EVL: variants seen among roughly 807,000 people sequenced by gnomAD.
EVL encodes the protein ena/VASP-like protein.
In EVL, 21 loss-of-function variants were observed where a neutral mutation model predicts 59.6. That is an observed-to-expected ratio of 0.35 (90% confidence interval 0.25 to 0.51). The LOEUF is 0.51. Ranked by LOEUF, EVL falls within the 20% of genes least tolerant of loss-of-function variation. The probability of loss-of-function intolerance (pLI) is 0.97; values close to 1 mark genes in which losing one functional copy is unlikely to be tolerated. For missense variants in EVL, 462 were observed against 546.6 expected, an observed-to-expected ratio of 0.85 and a Z score of 1.54; for synonymous variants, 198 against 203.5, an observed-to-expected ratio of 0.97 and a Z score of 0.23.
chr14:100,109,125 C>A lies in EVL; in HGVS notation c.358+11467C>A, dbSNP rs530001710. ...CCCTGGTCCCTCTGACTCACTGGCT[C>A]CCATTTTCACCACCTGCACTGCATA... is the stretch of plus-strand genomic sequence containing the variant. On this transcript the variant is annotated intron_variant, in intron 3 of 13. Coordinates refer to ENST00000392920, the MANE Select transcript of EVL (RefSeq NM_016337.3). This position sits in a 1 kb window ranked among gnomAD's most constrained non-coding sequence, Gnocchi z 4.3. Among the ~76,000 whole-genome samples, 1 of 152,352 alleles carries A rather than the reference C, an allele frequency of 6.6e-6. No homozygotes were observed. Among genetic ancestry groups the A allele is most frequent in the South Asian group, 2.1e-4 (1 of 4,828 alleles).
In EVL at chr14:100,028,457, C is replaced by T. The variant is rs988834898; in HGVS notation, c.6-56230C>T. On this transcript the variant is annotated intron_variant, in intron 1 of 13. Coordinates refer to the EVL transcript ENST00000402714. ...TTCTTTGTATTGAGTTGTTTGAGTC[C>T]TTTATGCACTGGGAAGCAGATAATT... Among the ~76,000 whole-genome samples, 7 of 152,178 alleles carry T rather than the reference C, an allele frequency of 4.6e-5. No individual in the cohort carries two copies. In the East Asian group the frequency reaches 5.8e-4, roughly 13 times the overall value.
At chr14:100,118,057 G>A (rs1020935966) in intron 3 of EVL, among the ~76,000 whole-genome samples, 2 of 152,130 alleles carry the variant, frequency 1.3e-5, no homozygotes, top group Admixed American at 1.3e-4. Flanking sequence ...GTTAAAGTCA[G>A]GCTGTTCTGT....
At chr14:100,013,463 CTT>C (rs1380001227) in intron 1 of EVL, among the ~76,000 whole-genome samples, 1 of 152,300 alleles carries the variant, frequency 6.6e-6, no homozygotes, top group Admixed American at 6.5e-5. Flanking sequence ...GAAACTGAGA[CTT>C]AGGCTGGTGA....
At chr14:100,112,751 A>C (rs374571963) in intron 3 of EVL, among the ~76,000 whole-genome samples, 2 of 152,218 alleles carry the variant, frequency 1.3e-5, no homozygotes, top group African/African-American at 2.4e-5. Flanking sequence ...AGAACGACCC[A>C]CACACATTCC....
At chr14:100,094,324 G>A (rs1177849096) in intron 2 of EVL, among the ~76,000 whole-genome samples, 1 of 152,124 alleles carries the variant, frequency 6.6e-6, no homozygotes, top group Non-Finnish European at 1.5e-5. Context: ...TTCTGGATTA[G>A]GCGTCATCTG....
At chr14:100,072,479 C>T (rs1212837203) in intron 1 of EVL, among the ~76,000 whole-genome samples, 1 of 152,188 alleles carries the variant, frequency 6.6e-6, no homozygotes, top group Non-Finnish European at 1.5e-5. Flanking sequence ...AGGTGATCCA[C>T]CTGCTTTGGC....
intron 1 of EVL, among the ~76,000 whole-genome samples, chr14:100,014,499 A>G (rs1756910539): frequency 6.6e-6 from 1 of 152,226 alleles, no homozygotes; most frequent in Non-Finnish European, 1.5e-5. Flanking sequence ...TCCACTGTGT[A>G]TATGTACCAC....
chr14:100,137,962 TGTCA>T (rs2140403405), intron 11 of EVL, 160 bp downstream of exon 11: 2 of 678,174 alleles, frequency 2.9e-6, no homozygotes, highest in South Asian at 3.6e-5. Context: ...CTCGGGGTCC[TGTCA>T]GTCAGCTGCT....
At chr14:100,138,176 G>A (rs1239935519) in intron 11 of EVL, 1 of 326,804 alleles carries the variant, frequency 3.1e-6, no homozygotes, top group South Asian at 3.6e-5. Flanking sequence ...CAGGGTGGTG[G>A]TGGGGACAGC....
intron 1 of EVL, among the ~76,000 whole-genome samples, chr14:99,973,311 T>C (rs2060747851): frequency 6.6e-6 from 1 of 152,262 alleles, no homozygotes; most frequent in African/African-American, 2.4e-5. Flanking sequence ...CAGTCTTAAA[T>C]TTTAACCATT....
At chr14:99,978,368 C>T (rs1053159331) in intron 1 of EVL, among the ~76,000 whole-genome samples, 1 of 151,376 alleles carries the variant, frequency 6.6e-6, no homozygotes, top group Admixed American at 6.6e-5. Context: ...CGCCACTGCA[C>T]TCCAGCCTGG....
At chr14:100,135,870 C>T in intron 8 of EVL, 35 bp from the exon 9 acceptor site, 57 of 1,608,932 alleles carry the variant, frequency 3.5e-5, no homozygotes, top group Non-Finnish European at 4.8e-5. Flanking sequence ...CCCCAGGTGG[C>T]CTTCCTAAAC....
rs1160695245 is a variant in EVL, at chr14:100,137,760, G to T, written c.1052G>T (p.Ser351Ile). The change falls in exon 11 of 14, where the codon AGC becomes ATC. Residue 351 changes from serine (S) to isoleucine (I), a missense_variant. Transcript: ENST00000392920. ...ILSRTPSVAKSPEAKSPLQSQ... is the reference protein window; with the variant it reads ...ILSRTPSVAKIPEAKSPLQSQ... ...CGTAGAACCCCGTCTGTGGCAAAGA[G>T]CCCCGAAGCTAAGAGCCCCCTTCAG... 2 of 1,614,116 alleles carry T rather than the reference G, an allele frequency of 1.2e-6. No individual in the cohort carries two copies. Among genetic ancestry groups the T allele is most frequent in the Non-Finnish European group, 1.7e-6 (2 of 1,180,006 alleles).
chr14:100,062,621 T>C (rs1173257241), upstream of EVL, among the ~76,000 whole-genome samples: 1 of 152,144 alleles, frequency 6.6e-6, no homozygotes, highest in Non-Finnish European at 1.5e-5. Flanking sequence ...GTAAATAGAC[T>C]AAATACCCCA....
chr14:99,989,634 G>A (rs75077944), intron 1 of EVL, among the ~76,000 whole-genome samples: 5 of 152,112 alleles, frequency 3.3e-5, no homozygotes, highest in Admixed American at 1.3e-4. Flanking sequence ...TATAATATTC[G>A]TCCTGATTGT....
intron 1 of EVL, among the ~76,000 whole-genome samples, chr14:100,057,503 T>G (rs889832256): frequency 5.3e-5 from 8 of 152,206 alleles, no homozygotes; most frequent in Non-Finnish European, 1.2e-4. Context: ...GAGTTTGTTT[T>G]TTTTTTAATC....
At chr14:100,065,388 C>T, upstream of EVL, 1 of 1,176,336 alleles carries the variant, frequency 8.5e-7, no homozygotes, top group Non-Finnish European at 1.1e-6. Flanking sequence ...TTTAAGTAGG[C>T]TATAAAAATC....
At chr14:99,985,161 T>C (rs2060832137) in intron 1 of EVL, among the ~76,000 whole-genome samples, 1 of 151,986 alleles carries the variant, frequency 6.6e-6, no homozygotes, top group Non-Finnish European at 1.5e-5. Flanking sequence ...ACCTACTATA[T>C]GCAAGATAGT....
intron 3 of EVL, among the ~76,000 whole-genome samples, chr14:100,112,939 A>G (rs1887095821): frequency 2.0e-5 from 3 of 152,212 alleles, no homozygotes; most frequent in Admixed American, 6.5e-5. Context: ...AAGATGAATA[A>G]GACTTGGTCC....
Sources: gnomAD v4.1 joint callset for allele counts (sites outside exome capture counted in the v4.1 genomes callset) on GRCh38, gnomAD v4.1.1 for gene constraint, Gnocchi (gnomAD v3.1) non-coding constraint, MANE v1.5 for transcripts, NCBI Gene and HGNC (gene_info 2026-07-23, HGNC 2026-07-21) for gene names.